The following ESYT2 variants were observed in gnomAD, a reference collection of about 807,000 sequenced individuals.
ESYT2 encodes extended synaptotagmin 2, also known as extended synaptotagmin-2.
A neutral mutation model predicts 107.2 loss-of-function variants in ESYT2; 54 were observed. The observed-to-expected ratio is 0.50, with a 90% CI of 0.40 to 0.63. ESYT2 has a LOEUF of 0.63. Among genes scored for constraint, ESYT2 ranks in the 30% least tolerant of loss-of-function variants. The pLI is 0.00. For synonymous variants in ESYT2, 491 were observed against 434.1 expected (o/e 1.13, Z -1.63); for missense variants, 1,020 against 1,094.5 (o/e 0.93, Z 0.96).
rs554196982 is a variant in ESYT2 at position 158,781,909 on chromosome 7, G to A, written c.747+6095C>T. Among the ~76,000 whole-genome samples, 3 of 151,574 alleles carry A rather than the reference G, an allele frequency of 2.0e-5. No individual in the cohort carries two copies. The East Asian group carries it at 5.8e-4, about 30-fold the overall frequency. ...AGAACGAGAACAAGTGTGAGTGAAC[G>A]ACAGAACAAAGTGTGAAAGGTATGA... On this transcript the variant is annotated intron_variant, in intron 6 of 22. Coordinates refer to ENST00000275418, the MANE Select transcript of ESYT2 (RefSeq NM_001367773.1).
In ESYT2 at chr7:158,741,790, T is replaced by A. The variant is rs769065608; in HGVS notation, c.1901A>T (p.His634Leu). 3.1e-6 allele frequency: 5 copies of A among 1,606,540 alleles called. No homozygotes were observed. The highest frequency in any genetic ancestry group is 2.2e-5 in the South Asian group (2 of 90,910). Residue 634 changes from histidine to leucine, a missense_variant, in exon 18 of 23, where the codon CAT (histidine) becomes CTT (leucine). His to Leu is a moderately conservative substitution (Grantham distance 99). Transcript: ENST00000275418. ...ACCAGGGCCTGGAGACCCAGACATA[T>A]GAGATTTGATGGATGTTTTCCTCCC... The part of the protein sequence containing the change: ...KEGRKTSIKS[H>L]MSGSPGPGGS...
At chr7:158,739,512 A>T (rs894906819) in intron 18 of ESYT2, among the ~76,000 whole-genome samples, 1 of 152,002 alleles carries the variant, frequency 6.6e-6, no homozygotes, top group African/African-American at 2.4e-5. Flanking sequence ...ACGCCCAGCT[A>T]ATTTTTTGTA....
At chr7:158,759,990 A>C in intron 12 of ESYT2, 68 bp downstream of exon 12, 1 of 1,439,620 alleles carries the variant, frequency 6.9e-7, no homozygotes, top group Non-Finnish European at 9.8e-7. Flanking sequence ...AACACAACTG[A>C]GAGACCAAGC....
intron 1 of ESYT2, among the ~76,000 whole-genome samples, chr7:158,809,097 T>G (rs1051861012): frequency 6.6e-6 from 1 of 152,196 alleles, no homozygotes; most frequent in African/African-American, 2.4e-5. Flanking sequence ...CTTGTTTCAC[T>G]GGGGATCTTG....
At position 158,738,820 on chromosome 7, in the gene ESYT2, C is replaced by T. The variant is rs537274276; in HGVS notation, c.2267+203G>A. Among the ~76,000 whole-genome samples, 10 of 152,338 alleles carry T rather than the reference C, an allele frequency of 6.6e-5. No individual in the cohort carries two copies. In the South Asian group the frequency reaches 2.1e-3, roughly 32 times the overall value. On this transcript the variant is annotated intron_variant, in intron 19 of 22. Coordinates refer to ENST00000275418, the MANE Select transcript of ESYT2 (RefSeq NM_001367773.1). The stretch of plus-strand genomic sequence containing the variant: ...AGTATGATCTTAGGGGACCGTTGTA[C>T]TTCGGTGACCAAAACGTTGTCATGT...
intron 1 of ESYT2, among the ~76,000 whole-genome samples, chr7:158,818,000 T>C (rs1277698364): frequency 1.3e-5 from 2 of 152,194 alleles, no homozygotes; most frequent in Non-Finnish European, 2.9e-5. Flanking sequence ...TACCTTACTC[T>C]GGGAAACTTA....
At chr7:158,815,068 G>T (rs970696240) in intron 1 of ESYT2, among the ~76,000 whole-genome samples, 3 of 152,180 alleles carry the variant, frequency 2.0e-5, no homozygotes, top group African/African-American at 7.2e-5. Flanking sequence ...TTAGCTGTGA[G>T]GTTTAAATGA....
chr7:158,781,206 CAA>C (rs1466403129), intron 6 of ESYT2, among the ~76,000 whole-genome samples: 4 of 151,970 alleles, frequency 2.6e-5, no homozygotes, highest in Admixed American at 1.3e-4. Flanking sequence ...TATGAGTGAA[CAA>C]GTGTGAGAAC....
At chr7:158,807,424 T>C (rs1463566799) in intron 1 of ESYT2, among the ~76,000 whole-genome samples, 2 of 152,160 alleles carry the variant, frequency 1.3e-5, no homozygotes, top group Non-Finnish European at 2.9e-5. Context: ...AGATAGGAAA[T>C]TATCGCGACT....
At chr7:158,769,370 A>G (rs1563639749) in intron 7 of ESYT2, among the ~76,000 whole-genome samples, 2 of 152,158 alleles carry the variant, frequency 1.3e-5, no homozygotes, top group Non-Finnish European at 2.9e-5. Flanking sequence ...TTTCTCACAC[A>G]CAGACTCCTG....
Position 158,763,103 on chromosome 7 carries a change from G to A in ESYT2, c.1164C>T (p.Asp388=), listed in dbSNP as rs1346694433. 6.2e-7 allele frequency: 1 copy of A among 1,612,676 alleles called. No individual in the cohort carries two copies. Among genetic ancestry groups the A allele is most frequent in the East Asian group, 2.2e-5 (1 of 44,786 alleles). ...TTTACCTTCCTAAAAAGTCATCCTT[G>A]TCTGGGTCTTCATCAAAGAGCTCAA... The part of the protein sequence containing the change: ...LEIELFDEDP[D]KDDFLGSLMI... The change falls in exon 10 of 23, where the codon GAC becomes GAT. Residue 388 remains aspartate (D), a synonymous_variant. Coordinates refer to ENST00000275418, the MANE Select transcript of ESYT2 (RefSeq NM_001367773.1).
At chr7:158,750,892 G>A (rs973140597) in intron 14 of ESYT2, among the ~76,000 whole-genome samples, 3 of 152,158 alleles carry the variant, frequency 2.0e-5, no homozygotes, top group African/African-American at 2.4e-5. Context: ...CAGGTAGCTC[G>A]TGGCAGATCC....
At position 158,759,549 on chromosome 7, in the gene ESYT2, T is replaced by C; in HGVS notation, c.1356A>G (p.Gln452=). Residue 452 remains glutamine (Q), a synonymous_variant, in exon 13 of 23, where the codon CAA becomes CAG. Transcript: ENST00000275418. ...ATGCAGAGGAAAGACCATCGTTGGC[T>C]TGGTCTTTGTCAGCTTTGATGTCTG... ...VLTDIKADKD[Q]ANDGLSSALL... is the part of the protein sequence containing the mutation. The C allele has an allele frequency of 6.2e-7, 1 of 1,612,750 alleles. No homozygotes were observed. Among genetic ancestry groups the C allele is most frequent in the Non-Finnish European group, 8.5e-7 (1 of 1,178,838 alleles).
At chr7:158,766,002 A>G (rs1050744174) in intron 8 of ESYT2, among the ~76,000 whole-genome samples, 5 of 152,152 alleles carry the variant, frequency 3.3e-5, no homozygotes, top group African/African-American at 1.2e-4. Context: ...GATCGAGACC[A>G]TCCTGGCTAA....
intron 1 of ESYT2, among the ~76,000 whole-genome samples, chr7:158,828,675 G>A (rs1009451060): frequency 6.6e-6 from 1 of 152,220 alleles, no homozygotes; most frequent in Non-Finnish European, 1.5e-5. Context: ...AGGGCACGGA[G>A]CACTCAGGAC....
intron 2 of ESYT2, among the ~76,000 whole-genome samples, chr7:158,798,646 C>CAAAAAAAAAAAAAAAAAAAAAAAAA (rs57351086): frequency 2.0e-5 from 1 of 49,852 alleles, no homozygotes; most frequent in Non-Finnish European, 3.3e-5. Context: ...AGCTCCGTCT[C>CAAAAAAAAAAAAAAAAAAAAAAAAA]AAAAAAAAAA....
intron 6 of ESYT2, among the ~76,000 whole-genome samples, chr7:158,775,810 T>C (rs941598742): frequency 3.3e-5 from 5 of 152,220 alleles, no homozygotes; most frequent in African/African-American, 4.8e-5. Flanking sequence ...TTCAATGGCA[T>C]CTAGGATGGT....
At chr7:158,760,954 CTTCAT>C (rs1837940053) in intron 11 of ESYT2, among the ~76,000 whole-genome samples, 1 of 152,188 alleles carries the variant, frequency 6.6e-6, no homozygotes, top group Admixed American at 6.5e-5. Context: ...TTTAATTTTG[CTTCAT>C]TTATCTAAAT....
intron 14 of ESYT2, among the ~76,000 whole-genome samples, chr7:158,750,161 C>A (rs547797723): frequency 6.6e-6 from 1 of 152,004 alleles, no homozygotes; most frequent in African/African-American, 2.4e-5. Flanking sequence ...GTCAGATACA[C>A]GGTTTTATGT....
Sources: allele counts gnomAD v4.1 joint callset (sites outside exome capture counted in the v4.1 genomes callset), GRCh38; gene constraint gnomAD v4.1.1; transcripts MANE v1.5; gene names NCBI Gene and HGNC (gene_info 2026-07-23, HGNC 2026-07-21).